Variants in ATP8B4 observed in about 807,000 individuals in gnomAD.
ATP8B4 encodes the protein ATPase phospholipid transporting 8B4 (putative).
A neutral mutation model predicts 145.6 loss-of-function variants in ATP8B4; 133 were observed. That is an observed-to-expected ratio of 0.91 (90% CI 0.79 to 1.05). ATP8B4 has a LOEUF of 1.05. Ranked by LOEUF, ATP8B4 falls within the 50% of genes least tolerant of loss-of-function variation. The probability of loss-of-function intolerance (pLI) is 0.00; values close to 1 mark genes in which losing one functional copy is unlikely to be tolerated. For missense variants in ATP8B4, 1,458 were observed against 1,425.2 expected (o/e 1.02, Z -0.37); for synonymous variants, 507 against 492.9 (o/e 1.03, Z -0.38).
intron 1 of ATP8B4, among the ~76,000 whole-genome samples, chr15:50,152,828 G>A (rs985031783): frequency 6.6e-6 from 1 of 152,102 alleles, no homozygotes; most frequent in Non-Finnish European, 1.5e-5. Flanking sequence ...TCAAAAACCT[G>A]GTGAAGACAA....
intron 13 of ATP8B4, 70 bp from the exon 14 acceptor site, chr15:49,962,090 G>T: frequency 8.5e-7 from 1 of 1,173,340 alleles, no homozygotes; most frequent in Non-Finnish European, 1.2e-6. Flanking sequence ...TAGTTTTAAG[G>T]AATACACTTA....
chr15:50,143,071 T>C (rs2044233610), intron 1 of ATP8B4, among the ~76,000 whole-genome samples: 1 of 152,184 alleles, frequency 6.6e-6, no homozygotes. Flanking sequence ...AAGCCCTCAT[T>C]TCCCTTAAAG....
intron 2 of ATP8B4, among the ~76,000 whole-genome samples, chr15:50,098,801 T>C (rs1291348784): frequency 2.0e-5 from 3 of 152,142 alleles, no homozygotes; most frequent in African/African-American, 4.8e-5. Context: ...TGAGGCATAG[T>C]AGGCAGAGTG....
At chr15:49,978,222 A>G (rs2045841077) in intron 12 of ATP8B4, among the ~76,000 whole-genome samples, 2 of 152,188 alleles carry the variant, frequency 1.3e-5, no homozygotes, top group African/African-American at 4.8e-5. Flanking sequence ...TTAGGACATA[A>G]AGGAATGCTA....
At position 49,860,054 on chromosome 15, in the gene ATP8B4, A is replaced by C. The variant is rs2031341189; in HGVS notation, c.*140T>G. On this transcript the variant is annotated 3_prime_UTR_variant, in exon 28 of 28. Transcript: ENST00000284509. Reference sequence around the variant, plus strand: ...ACACTCCTGTTTGATGGGCACTGGCAGTTGTCTGCCGCAGATTTAAGTTAA... The same window carrying C: ...ACACTCCTGTTTGATGGGCACTGGCCGTTGTCTGCCGCAGATTTAAGTTAA... The C allele has an allele frequency of 7.0e-6, 7 of 1,004,876 alleles. No homozygotes were observed. The highest frequency in any genetic ancestry group is 1.0e-5 in the Non-Finnish European group (7 of 687,792). 62.2% of individuals were successfully genotyped at this position (1,004,876 alleles called of 1,614,324 possible).
chr15:49,949,666 C>G (rs1484762700), intron 14 of ATP8B4, among the ~76,000 whole-genome samples: 1 of 152,112 alleles, frequency 6.6e-6, no homozygotes, highest in African/African-American at 2.4e-5. Flanking sequence ...TTATTTCTTT[C>G]TCTTGCCTGA....
chr15:50,177,797 T>A (rs1376684541), intron 1 of ATP8B4, among the ~76,000 whole-genome samples: 5 of 152,216 alleles, frequency 3.3e-5, no homozygotes, highest in Admixed American at 1.3e-4. Context: ...GAGATGGGGC[T>A]TAATAAACTA....
chr15:50,140,881 A>AAGT (rs1296654930), intron 1 of ATP8B4, among the ~76,000 whole-genome samples: 14 of 152,132 alleles, frequency 9.2e-5, no homozygotes, highest in Non-Finnish European at 1.5e-5. Flanking sequence ...TAAAACTCCT[A>AAGT]AGGTGATTGT....
At position 49,923,420 on chromosome 15, in the gene ATP8B4, A is replaced by G; in HGVS notation, c.1717T>C (p.Ser573Pro). 4 of 1,613,548 alleles carry G rather than the reference A, an allele frequency of 2.5e-6. No homozygotes were observed. The highest frequency in any genetic ancestry group is 3.4e-6 in the Non-Finnish European group (4 of 1,179,562). Residue 573 changes from serine (S) to proline (P), a missense_variant, in exon 17 of 28, where the codon TCC (serine) becomes CCC (proline). Transcript: ENST00000284509. ...GTCAAAGACAAAAGGACTTCATTGG[A>G]AGGATGAAGTTTTTCAAACAGAATA... ...DTILFEKLHP[S>P]NEVLLSLTSD...
At chr15:50,137,144 C>T (rs1567402317) in intron 1 of ATP8B4, among the ~76,000 whole-genome samples, 1 of 152,186 alleles carries the variant, frequency 6.6e-6, no homozygotes, top group African/African-American at 2.4e-5. Context: ...CATGCTAGCA[C>T]TGATTTAACG....
chr15:50,053,864 A>G (rs2052376197), intron 3 of ATP8B4, among the ~76,000 whole-genome samples: 1 of 152,200 alleles, frequency 6.6e-6, no homozygotes, highest in Admixed American at 6.5e-5. Flanking sequence ...AATTAAGTAT[A>G]TTGCTTAAGT....
chr15:50,152,662 A>C (rs1300081663), intron 1 of ATP8B4, among the ~76,000 whole-genome samples: 1 of 152,252 alleles, frequency 6.6e-6, no homozygotes, highest in Non-Finnish European at 1.5e-5. Flanking sequence ...AGTTCAAAAC[A>C]TTTGATCTAA....
Position 50,010,936 on chromosome 15 carries a change from T to C in ATP8B4, c.363-19A>G. On this transcript the variant is annotated intron_variant, in intron 6 of 27. Transcript: ENST00000284509. ...CTGCAGTCTAAAAACAAAAATAAAA[T>C]TAATTTTCTTCAAGAATGAAGAATT... is the stretch of plus-strand genomic sequence containing the variant. The C allele has an allele frequency of 6.8e-7, 1 of 1,477,050 alleles. No homozygotes were observed. Among genetic ancestry groups the C allele is most frequent in the Non-Finnish European group, 9.2e-7 (1 of 1,091,482 alleles). The allele number at this position is 1,477,050 out of a possible 1,614,324, so 91.5% of individuals were successfully genotyped here.
chr15:50,101,412 T>C (rs1412749977), intron 2 of ATP8B4, among the ~76,000 whole-genome samples: 1 of 151,774 alleles, frequency 6.6e-6, no homozygotes, highest in Admixed American at 6.6e-5. Context: ...TCTATGCACA[T>C]GGACAACAAA....
intron 2 of ATP8B4, among the ~76,000 whole-genome samples, chr15:50,092,646 C>A (rs2055685845): frequency 6.6e-6 from 1 of 151,710 alleles, no homozygotes; most frequent in Non-Finnish European, 1.5e-5. Context: ...GGAAACTGGT[C>A]AGTAGAAAAT....
rs139300137 is a variant in ATP8B4, at chr15:50,074,195, G to C, written c.29-10C>G. On this transcript the variant is annotated splice_polypyrimidine_tract_variant and intron_variant, in intron 2 of 27. Coordinates refer to ENST00000284509, the MANE Select transcript of ATP8B4 (RefSeq NM_024837.4). ...ACTATCCGTTCCACTTCTAAAGAGA[G>C]AGAAATCAAGTATGAAATTAAATTG... 8.0e-4 allele frequency: 1,287 copies of C among 1,605,266 alleles called. 11 individuals carry two copies. In the African/African-American group the frequency reaches 0.015, roughly 19 times the overall value.
chr15:49,883,802 A>C (rs938877185), intron 23 of ATP8B4, among the ~76,000 whole-genome samples: 3 of 152,258 alleles, frequency 2.0e-5, no homozygotes, highest in African/African-American at 7.2e-5. Context: ...TTAAAAAAAA[A>C]CCCAAAGGGG....
In ATP8B4 at chr15:49,972,569, C is replaced by A. The variant is rs766058318; in HGVS notation, c.1243+13G>T. On this transcript the variant is annotated intron_variant, in intron 13 of 27. Coordinates refer to ENST00000284509, the MANE Select transcript of ATP8B4 (RefSeq NM_024837.4). ...TAACAATATCGTTAAGAGAAAGGAA[C>A]TGTTTCTCTTACCATAGATTCTCCC... is the stretch of plus-strand genomic sequence containing the variant. 3 of 1,602,360 alleles carry A rather than the reference C, an allele frequency of 1.9e-6. No homozygotes were observed. The South Asian group carries it at 3.3e-5, about 18-fold the overall frequency.
intron 21 of ATP8B4, among the ~76,000 whole-genome samples, chr15:49,898,593 C>T (rs970181454): frequency 6.6e-6 from 1 of 152,186 alleles, no homozygotes. Context: ...AAACAAAAGA[C>T]AGAACCTATC....
Sources: allele counts gnomAD v4.1 joint callset (sites outside exome capture counted in the v4.1 genomes callset), GRCh38; gene constraint gnomAD v4.1.1; transcripts MANE v1.5; gene names NCBI Gene and HGNC (gene_info 2026-07-23, HGNC 2026-07-21).